ATP8A2: variants seen among roughly 807,000 people sequenced by gnomAD.
ATP8A2 encodes ATPase phospholipid transporting 8A2.
A neutral mutation model predicts 165.6 loss-of-function variants in ATP8A2; 100 were observed. That is an observed-to-expected ratio of 0.60 (90% CI 0.51 to 0.71). The LOEUF is 0.71. Among genes scored for constraint, ATP8A2 ranks in the 30% least tolerant of loss-of-function variants. ATP8A2 has a pLI of 0.00. For synonymous variants in ATP8A2, 543 were observed against 548.8 expected (o/e 0.99, Z 0.15); for missense variants, 1,227 against 1,479.5 (o/e 0.83, Z 2.80).
chr13:25,847,404 C>A (rs763621707), intron 30 of ATP8A2, among the ~76,000 whole-genome samples: 1 of 152,184 alleles, frequency 6.6e-6, no homozygotes, highest in Non-Finnish European at 1.5e-5. Flanking sequence ...TGACAGTGCA[C>A]CTCACACATC....
At chr13:25,687,150 G>A (rs927433638) in intron 24 of ATP8A2, among the ~76,000 whole-genome samples, 4 of 152,186 alleles carry the variant, frequency 2.6e-5, no homozygotes, top group Admixed American at 2.0e-4. Context: ...TGCTCTGGCC[G>A]GGGTCAGGAG....
At chr13:25,968,367 C>G (rs988983916) in intron 34 of ATP8A2, among the ~76,000 whole-genome samples, 11 of 152,076 alleles carry the variant, frequency 7.2e-5, no homozygotes, top group Non-Finnish European at 1.5e-4. Flanking sequence ...ATGCATGATC[C>G]GGGTCTGGTC....
chr13:25,595,014 A>G (rs2040199065), intron 24 of ATP8A2, among the ~76,000 whole-genome samples: 1 of 149,056 alleles, frequency 6.7e-6, no homozygotes, highest in Non-Finnish European at 1.5e-5. Context: ...ATATGTATGT[A>G]TGCGTATATG....
At chr13:25,499,432 G>A (rs893764614) in intron 2 of ATP8A2, among the ~76,000 whole-genome samples, 8 of 152,174 alleles carry the variant, frequency 5.3e-5, no homozygotes, top group African/African-American at 1.7e-4. Flanking sequence ...GGTGAACCAC[G>A]TGTTGTCATG....
chr13:25,853,148 G>C (rs183491458), intron 30 of ATP8A2, among the ~76,000 whole-genome samples: 22 of 151,826 alleles, frequency 1.4e-4, no homozygotes, highest in Admixed American at 5.2e-4. Flanking sequence ...CAGCACTTTG[G>C]GGGGCTGAGA....
At chr13:25,621,307 T>C (rs963595333) in intron 24 of ATP8A2, among the ~76,000 whole-genome samples, 1 of 152,210 alleles carries the variant, frequency 6.6e-6, no homozygotes, top group Non-Finnish European at 1.5e-5. Context: ...TCATCATCTC[T>C]GGGCTGAGTG....
rs1377081333 is a variant in ATP8A2 at position 25,529,265 on chromosome 13, A to G, written c.222-734A>G. On this transcript the variant is annotated intron_variant, in intron 2 of 36. Coordinates refer to ENST00000381655, the MANE Select transcript of ATP8A2 (RefSeq NM_016529.6). ...TGAGCAGCCACAGCTGGTTTGGTTA[A>G]TTTTGCCTTTGGGTTATTTCACTGT... Among the ~76,000 whole-genome samples the G allele has an allele frequency of 2.6e-5, 4 of 152,214 alleles. No individual in the cohort carries two copies. The East Asian group carries it at 7.7e-4, about 29-fold the overall frequency.
chr13:25,743,116 T>C (rs1315897163), intron 25 of ATP8A2, among the ~76,000 whole-genome samples: 1 of 152,066 alleles, frequency 6.6e-6, no homozygotes, highest in Non-Finnish European at 1.5e-5. Flanking sequence ...CTCATCTTAA[T>C]ACACCTTTAT....
At chr13:25,761,197 C>T (rs893095808) in intron 25 of ATP8A2, among the ~76,000 whole-genome samples, 3 of 152,104 alleles carry the variant, frequency 2.0e-5, no homozygotes, top group African/African-American at 4.8e-5. Flanking sequence ...AAAATAATAC[C>T]GTCAGTACAT....
chr13:25,577,192 CT>C (rs1566291018), intron 20 of ATP8A2, 54 bp downstream of exon 20: 4 of 1,443,030 alleles, frequency 2.8e-6, no homozygotes, highest in Non-Finnish European at 2.9e-6. Context: ...CTTTGTTAAT[CT>C]GCCGCTTTTC....
intron 2 of ATP8A2, among the ~76,000 whole-genome samples, chr13:25,518,656 G>C (rs554575255): frequency 1.3e-5 from 2 of 152,142 alleles, no homozygotes; most frequent in African/African-American, 2.4e-5. Context: ...TTTTCTCGTA[G>C]CTGGAAAATC....
At chr13:25,494,800 G>A (rs2036625630) in intron 2 of ATP8A2, among the ~76,000 whole-genome samples, 1 of 152,068 alleles carries the variant, frequency 6.6e-6, no homozygotes, top group East Asian at 1.9e-4. Context: ...CTAGCTGTGA[G>A]CGAATTCGAC....
At chr13:25,811,454 G>A (rs1391432887) in intron 27 of ATP8A2, among the ~76,000 whole-genome samples, 1 of 152,136 alleles carries the variant, frequency 6.6e-6, no homozygotes, top group Non-Finnish European at 1.5e-5. Flanking sequence ...TTATGTGTAT[G>A]TATATACAGT....
intron 1 of ATP8A2, among the ~76,000 whole-genome samples, chr13:25,434,275 ACCTGGGCTC>A (rs912487696): frequency 3.3e-5 from 5 of 152,050 alleles, no homozygotes; most frequent in African/African-American, 1.2e-4. Flanking sequence ...CAGGACTCAT[ACCTGGGCTC>A]CCTGCCTAAG....
intron 24 of ATP8A2, among the ~76,000 whole-genome samples, chr13:25,671,343 CTG>C: frequency 6.6e-6 from 1 of 152,224 alleles, no homozygotes; most frequent in South Asian, 2.1e-4. Context: ...AGTATGAAAT[CTG>C]GGCACCTTGA....
At chr13:25,714,050 C>G (rs755614950) in intron 25 of ATP8A2, among the ~76,000 whole-genome samples, 1 of 152,002 alleles carries the variant, frequency 6.6e-6, no homozygotes, top group South Asian at 2.1e-4. Context: ...CTGTGGCTAT[C>G]CTTAACTATC....
intron 34 of ATP8A2, among the ~76,000 whole-genome samples, chr13:25,967,470 G>T (rs1024547027): frequency 6.6e-6 from 1 of 152,182 alleles, no homozygotes; most frequent in Non-Finnish European, 1.5e-5. Flanking sequence ...GGTGGTACAG[G>T]ATTCTGCAGG....
chr13:25,438,009 TTTTCTAATTA>T (rs780985146), intron 1 of ATP8A2, among the ~76,000 whole-genome samples: 7 of 152,214 alleles, frequency 4.6e-5, no homozygotes, highest in Non-Finnish European at 1.0e-4. Context: ...CTTTTAGTCT[TTTTCTAATTA>T]CAAACTATGT....
chr13:25,652,993 T>A (rs1842343471), intron 24 of ATP8A2, among the ~76,000 whole-genome samples: 2 of 152,242 alleles, frequency 1.3e-5, no homozygotes, highest in African/African-American at 4.8e-5. Flanking sequence ...TCCTGCTGTG[T>A]ACTTCATCAC....
Sources: gnomAD v4.1 joint callset for allele counts (sites outside exome capture counted in the v4.1 genomes callset) on GRCh38, gnomAD v4.1.1 for gene constraint, MANE v1.5 for transcripts, NCBI Gene and HGNC (gene_info 2026-07-23, HGNC 2026-07-21) for gene names.